Variants in PVT1 observed in about 807,000 individuals in gnomAD.
The protein encoded by PVT1 is Pvt1 oncogene.
chr8:127,929,083 T>C (rs1816168013), intron 3 of PVT1, among the ~76,000 whole-genome samples: 1 of 152,152 alleles, frequency 6.6e-6, no homozygotes, highest in Non-Finnish European at 1.5e-5. Flanking sequence ...AACATATGTA[T>C]TGTACTTTGG....
At chr8:128,063,813 A>G (rs1342564634) in intron 4 of PVT1, among the ~76,000 whole-genome samples, 1 of 152,226 alleles carries the variant, frequency 6.6e-6, no homozygotes, top group African/African-American at 2.4e-5. Context: ...AATGTGTTGT[A>G]TTCATGAACA....
chr8:127,950,983 C>T (rs745383379), intron 3 of PVT1, among the ~76,000 whole-genome samples: 12 of 152,172 alleles, frequency 7.9e-5, no homozygotes, highest in Non-Finnish European at 1.0e-4. Flanking sequence ...CTGCAACCTC[C>T]GCCTCCCGGA....
At chr8:127,923,039 A>G (rs755832795) in intron 3 of PVT1, among the ~76,000 whole-genome samples, 2 of 152,082 alleles carry the variant, frequency 1.3e-5, no homozygotes, top group African/African-American at 4.8e-5. Flanking sequence ...ATCTTACTGT[A>G]TATCTCGTTT....
chr8:127,881,409 A>ATAT (rs916544267), intron 2 of PVT1, among the ~76,000 whole-genome samples: 1 of 145,516 alleles, frequency 6.9e-6, no homozygotes, highest in Non-Finnish European at 1.5e-5. Flanking sequence ...AATAATAATA[A>ATAT]TATTATTATT....
At chr8:128,041,088 TTG>T (rs756135922) in intron 4 of PVT1, among the ~76,000 whole-genome samples, 1 of 151,164 alleles carries the variant, frequency 6.6e-6, no homozygotes, top group South Asian at 2.1e-4. Context: ...GTGCATATGT[TTG>T]TGTGTGCTTG....
At chr8:127,890,904 A>C (rs868355626) in exon 3 of PVT1, 1 of 152,256 alleles carries the variant, frequency 6.6e-6, no homozygotes, top group African/African-American at 2.4e-5. Flanking sequence ...GATCTCTGCC[A>C]ACTTCCTTTG....
At chr8:128,059,945 C>A (rs1813810091) in intron 4 of PVT1, among the ~76,000 whole-genome samples, 1 of 152,106 alleles carries the variant, frequency 6.6e-6, no homozygotes, top group Non-Finnish European at 1.5e-5. Flanking sequence ...GAAAGTCATG[C>A]ACTAATGTAT....
intron 6 of PVT1, chr8:128,099,595 ATTAC>A (rs1814475492): frequency 6.6e-6 from 1 of 152,192 alleles, no homozygotes; most frequent in Non-Finnish European, 1.5e-5. Flanking sequence ...TATAATTTTA[ATTAC>A]TTTTATATTG....
intron 4 of PVT1, among the ~76,000 whole-genome samples, chr8:128,021,939 C>T (rs554218584): frequency 2.6e-5 from 4 of 152,248 alleles, no homozygotes; most frequent in African/African-American, 9.6e-5. Context: ...GTAATCCCAG[C>T]TATTTGGGAT....
intron 2 of PVT1, among the ~76,000 whole-genome samples, chr8:127,831,511 G>A (rs1169934657): frequency 1.3e-5 from 2 of 152,170 alleles, no homozygotes; most frequent in Non-Finnish European, 2.9e-5. Flanking sequence ...CATGGTAGGA[G>A]ATAGCATTTG....
At chr8:127,841,874 C>T (rs901176281) in intron 2 of PVT1, among the ~76,000 whole-genome samples, 8 of 151,930 alleles carry the variant, frequency 5.3e-5, no homozygotes, top group South Asian at 2.1e-4. Context: ...CACAGGTGTG[C>T]GCCACTACCC....
intron 2 of PVT1, among the ~76,000 whole-genome samples, chr8:127,831,043 CGT>C (rs59440311): frequency 2.6e-3 from 261 of 101,170 alleles, no homozygotes; most frequent in South Asian, 3.1e-3. Context: ...TATATACATA[CGT>C]GTGTGTGTGT....
At chr8:128,089,419 C>T (rs1251527198) in intron 5 of PVT1, among the ~76,000 whole-genome samples, 1 of 152,062 alleles carries the variant, frequency 6.6e-6, no homozygotes, top group East Asian at 1.9e-4. Flanking sequence ...ATGACCATCA[C>T]CCCCCAATAA....
chr8:128,076,870 G>T (rs764323446), intron 5 of PVT1, among the ~76,000 whole-genome samples: 1 of 152,234 alleles, frequency 6.6e-6, no homozygotes, highest in Non-Finnish European at 1.5e-5. Context: ...GGTGACACAT[G>T]CTAAGCCCTT....
In PVT1 at chr8:127,923,106, G is replaced by A. The variant is rs572687161; in HGVS notation, n.782+32108G>A. 4.6e-5 allele frequency among the ~76,000 whole-genome samples: 7 copies of A among 152,260 alleles called. No individual in the cohort carries two copies. In the South Asian group the frequency reaches 1.5e-3, roughly 32 times the overall value. On this transcript the variant is annotated intron_variant and non_coding_transcript_variant, in intron 3 of 10. Transcript: ENST00000651587. Reference sequence around the variant, plus strand: ...CATTATATGGTAATCTCATTTGCTGGGTAGACCAGTGAGGAGGGCTGGGAC... The same window carrying A: ...CATTATATGGTAATCTCATTTGCTGAGTAGACCAGTGAGGAGGGCTGGGAC...
intron 4 of PVT1, among the ~76,000 whole-genome samples, chr8:128,041,057 GT>G (rs1813526469): frequency 6.7e-6 from 1 of 148,900 alleles, no homozygotes; most frequent in South Asian, 2.1e-4. Flanking sequence ...GTGTTTGTGT[GT>G]TTTGTGCTTG....
intron 5 of PVT1, among the ~76,000 whole-genome samples, chr8:128,094,574 T>C (rs1180480926): frequency 6.6e-6 from 1 of 152,236 alleles, no homozygotes; most frequent in Admixed American, 6.5e-5. Flanking sequence ...AAAAAAATTT[T>C]GTGCTGATCC....
intron 2 of PVT1, among the ~76,000 whole-genome samples, chr8:127,803,972 G>A (rs2129647708): frequency 1.3e-5 from 2 of 152,198 alleles, no homozygotes; most frequent in Middle Eastern, 6.8e-3. Context: ...GCCTGCCTCG[G>A]CCTCCCAAAG....
intron 4 of PVT1, among the ~76,000 whole-genome samples, chr8:128,047,852 A>G (rs1011300267): frequency 2.0e-5 from 3 of 152,258 alleles, no homozygotes; most frequent in Admixed American, 2.0e-4. Context: ...AAAACTTCAC[A>G]TCATATATTA....
Sources: allele counts gnomAD v4.1 joint callset (sites outside exome capture counted in the v4.1 genomes callset), GRCh38; gene constraint gnomAD v4.1.1; transcripts MANE v1.5; gene names NCBI Gene and HGNC (gene_info 2026-07-23, HGNC 2026-07-21).